Variants in RAB31 observed in about 807,000 individuals in gnomAD.
RAB31 encodes RAB31, member RAS oncogene family.
In RAB31, 21 loss-of-function variants were observed where a neutral mutation model predicts 25.6. That is an observed-to-expected ratio of 0.82 (90% confidence interval 0.58 to 1.18). The LOEUF (loss-of-function observed/expected upper bound fraction) is 1.18, where lower values mean the gene tolerates loss of function less well. Among genes scored for constraint, RAB31 ranks in the 50% most tolerant of loss-of-function variants. The pLI, the probability that RAB31 is intolerant of heterozygous loss-of-function variation, is 0.00. For missense variants in RAB31, 196 were observed against 250.1 expected (o/e 0.78, Z 1.46); for synonymous variants, 87 against 84.0 (o/e 1.04, Z -0.20).
At chr18:9,849,314 A>G (rs2143142964) in intron 6 of RAB31, among the ~76,000 whole-genome samples, 1 of 152,188 alleles carries the variant, frequency 6.6e-6, no homozygotes, top group South Asian at 2.1e-4. Flanking sequence ...CTTTTGTATT[A>G]CCCATGAAGC....
chr18:9,803,644 A>G (rs552493834), intron 3 of RAB31, among the ~76,000 whole-genome samples: 3 of 152,334 alleles, frequency 2.0e-5, no homozygotes, highest in South Asian at 4.1e-4. Context: ...GGTGAGGGCC[A>G]TGCCTGCTGA....
intron 5 of RAB31, among the ~76,000 whole-genome samples, chr18:9,827,870 C>A (rs2068657735): frequency 6.6e-6 from 1 of 152,072 alleles, no homozygotes; most frequent in Admixed American, 6.6e-5. Context: ...TCTATTTGGG[C>A]AGCCAAGAAA....
intron 5 of RAB31, among the ~76,000 whole-genome samples, chr18:9,835,151 G>A (rs1032442192): frequency 5.3e-5 from 8 of 152,146 alleles, no homozygotes; most frequent in Admixed American, 2.0e-4. Context: ...AGCTAAGACG[G>A]TGTAGGGTCC....
In RAB31 at chr18:9,708,684, C is replaced by A. The variant is rs888239719; in HGVS notation, c.39+240C>A. On this transcript the variant is annotated intron_variant, in intron 1 of 6. Coordinates refer to ENST00000578921, the MANE Select transcript of RAB31 (RefSeq NM_006868.4). This position sits in a 1 kb window ranked among gnomAD's most constrained non-coding sequence, Gnocchi z 6.4. Reference sequence around the variant, plus strand: ...GCACCCCGCCTGTTCTCCGCCTCCCCGCCGTCCGTGCGCCCCTCTGGTCCG... The same window carrying A: ...GCACCCCGCCTGTTCTCCGCCTCCCAGCCGTCCGTGCGCCCCTCTGGTCCG... 6.6e-6 allele frequency among the ~76,000 whole-genome samples: 1 copy of A among 152,028 alleles called. No individual in the cohort carries two copies. Among genetic ancestry groups the A allele is most frequent in the Non-Finnish European group, 1.5e-5 (1 of 67,978 alleles).
chr18:9,759,735 A>G (rs2068278245), intron 1 of RAB31, among the ~76,000 whole-genome samples: 1 of 152,166 alleles, frequency 6.6e-6, no homozygotes, highest in East Asian at 1.9e-4. Context: ...ACCTGTTTCC[A>G]TACATGGTCG....
At chr18:9,825,668 G>A (rs530296898) in intron 5 of RAB31, among the ~76,000 whole-genome samples, 1 of 152,302 alleles carries the variant, frequency 6.6e-6, no homozygotes, top group Non-Finnish European at 1.5e-5. Flanking sequence ...TGGTAGAGAA[G>A]AATGAGGAAG....
intron 3 of RAB31, among the ~76,000 whole-genome samples, chr18:9,806,450 G>T (rs1247572794): frequency 6.6e-6 from 1 of 152,028 alleles, no homozygotes; most frequent in East Asian, 1.9e-4. Context: ...GGTGGAGGAG[G>T]GTCCAGGCTG....
At chr18:9,837,194 T>C (rs2068710205) in intron 5 of RAB31, among the ~76,000 whole-genome samples, 1 of 151,920 alleles carries the variant, frequency 6.6e-6, no homozygotes, top group African/African-American at 2.4e-5. Context: ...AAGTGTCAGT[T>C]TGAGGAACGG....
At chr18:9,719,308 T>A (rs1599010562) in intron 1 of RAB31, among the ~76,000 whole-genome samples, 13 of 42,048 alleles carry the variant, frequency 3.1e-4, no homozygotes, top group South Asian at 1.0e-3. Flanking sequence ...AATATATATA[T>A]ATATATATAT....
intron 1 of RAB31, among the ~76,000 whole-genome samples, chr18:9,751,063 C>G (rs1030470702): frequency 6.6e-6 from 1 of 152,052 alleles, no homozygotes; most frequent in African/African-American, 2.4e-5. Context: ...GAGACAGAGT[C>G]TCGCATGGTC....
chr18:9,772,340 G>A (rs2068349501), intron 1 of RAB31, among the ~76,000 whole-genome samples: 1 of 152,198 alleles, frequency 6.6e-6, no homozygotes, highest in South Asian at 2.1e-4. Flanking sequence ...TTGTCACTGG[G>A]TGATAGGGTA....
At chr18:9,839,942 T>C (rs1386699544) in intron 5 of RAB31, among the ~76,000 whole-genome samples, 2 of 152,138 alleles carry the variant, frequency 1.3e-5, no homozygotes, top group Non-Finnish European at 2.9e-5. Flanking sequence ...TCTCCCGCCC[T>C]CCCCATCCCG....
At chr18:9,762,033 C>T (rs2068291689) in intron 1 of RAB31, among the ~76,000 whole-genome samples, 1 of 152,126 alleles carries the variant, frequency 6.6e-6, no homozygotes, top group African/African-American at 2.4e-5. Flanking sequence ...GTCTCAAACT[C>T]CTGAGCTCAG....
chr18:9,741,639 T>C (rs2068179765), intron 1 of RAB31, among the ~76,000 whole-genome samples: 1 of 152,270 alleles, frequency 6.6e-6, no homozygotes, highest in Non-Finnish European at 1.5e-5. Flanking sequence ...TCTCTCAGCC[T>C]GTGTGCAGCA....
intron 1 of RAB31, among the ~76,000 whole-genome samples, chr18:9,745,419 A>G (rs180891679): frequency 1.9e-3 from 285 of 152,310 alleles, no homozygotes; most frequent in Non-Finnish European, 3.4e-3. Flanking sequence ...ATAGAAGAGG[A>G]GGGAATACAT....
intron 3 of RAB31, among the ~76,000 whole-genome samples, chr18:9,793,387 A>G (rs1042790951): frequency 7.9e-5 from 12 of 152,088 alleles, no homozygotes; most frequent in African/African-American, 2.7e-4. Context: ...TTGAGGCCGG[A>G]CGCGGTGGCT....
chr18:9,772,876 C>T lies in RAB31; in HGVS notation c.40-2402C>T, dbSNP rs1449440769. Among the ~76,000 whole-genome samples, 6 of 151,838 alleles carry T rather than the reference C, an allele frequency of 4.0e-5. No individual in the cohort carries two copies. In the East Asian group the frequency reaches 1.2e-3, roughly 29 times the overall value. On this transcript the variant is annotated intron_variant, in intron 1 of 6. Coordinates refer to ENST00000578921, the MANE Select transcript of RAB31 (RefSeq NM_006868.4). ...AGTCTGGCAAGGATTTGCTCCTCCA[C>T]AGGGGGTCTTAAGAACAACTGAGAT...
At chr18:9,712,722 TTGTG>T (rs2068023784) in intron 1 of RAB31, among the ~76,000 whole-genome samples, 1 of 151,980 alleles carries the variant, frequency 6.6e-6, no homozygotes, top group African/African-American at 2.4e-5. Context: ...CTTGGGGTAT[TTGTG>T]TGCGTGCACT....
intron 1 of RAB31, among the ~76,000 whole-genome samples, chr18:9,733,642 C>T (rs879680367): frequency 2.0e-5 from 3 of 152,156 alleles, no homozygotes; most frequent in Non-Finnish European, 4.4e-5. Flanking sequence ...CTCCAGGATT[C>T]GGTCCACAGG....
Sources: gnomAD v4.1 joint callset for allele counts (sites outside exome capture counted in the v4.1 genomes callset) on GRCh38, gnomAD v4.1.1 for gene constraint, Gnocchi (gnomAD v3.1) non-coding constraint, MANE v1.5 for transcripts, NCBI Gene and HGNC (gene_info 2026-07-23, HGNC 2026-07-21) for gene names.